The following ASXL2 variants were observed in gnomAD, a reference collection of about 807,000 sequenced individuals.
The protein encoded by ASXL2 is putative Polycomb group protein ASXL2.
In ASXL2, 23 loss-of-function variants were observed where a neutral mutation model predicts 122.0. That is an observed-to-expected ratio of 0.19 (90% CI 0.14 to 0.27). The LOEUF is 0.27. Among genes scored for constraint, ASXL2 ranks in the 10% least tolerant of loss-of-function variants. The pLI is 1.00. For synonymous variants in ASXL2, 650 were observed against 637.0 expected, an observed-to-expected ratio of 1.02 and a Z score of -0.31; for missense variants, 1,518 against 1,713.8, an observed-to-expected ratio of 0.89 and a Z score of 2.02.
chr2:25,780,747 AAGCATC>A (rs1443310814), intron 5 of ASXL2, among the ~76,000 whole-genome samples: 2 of 152,174 alleles, frequency 1.3e-5, no homozygotes, highest in African/African-American at 4.8e-5. Flanking sequence ...ACACTTCAAG[AAGCATC>A]AGAGAAAAAA....
chr2:25,791,057 A>G (rs2088825318), intron 5 of ASXL2, among the ~76,000 whole-genome samples: 1 of 151,818 alleles, frequency 6.6e-6, no homozygotes, highest in African/African-American at 2.4e-5. Flanking sequence ...TCGGCCTCCC[A>G]AAGTAATGGG....
In ASXL2 at chr2:25,803,672, T is replaced by G. The variant is rs182989509; in HGVS notation, c.252+2557A>C. ...CCACCTCAGATCATCAGGCATTAGATTCTCATACAGAGTGCATGACCTAGA... is the reference window on the plus strand; with the variant it reads ...CCACCTCAGATCATCAGGCATTAGAGTCTCATACAGAGTGCATGACCTAGA... On this transcript the variant is annotated intron_variant, in intron 4 of 12. Coordinates refer to ENST00000435504, the MANE Select transcript of ASXL2 (RefSeq NM_018263.6). 1.1e-4 allele frequency among the ~76,000 whole-genome samples: 17 copies of G among 152,314 alleles called. No homozygotes were observed. The East Asian group carries it at 2.9e-3, about 26-fold the overall frequency.
chr2:25,864,968 C>T (rs972392005), intron 1 of ASXL2, among the ~76,000 whole-genome samples: 1 of 151,700 alleles, frequency 6.6e-6, no homozygotes, highest in Non-Finnish European at 1.5e-5. Flanking sequence ...AATACAGGCG[C>T]CTGCCACCGC....
chr2:25,811,670 A>T (rs2089173001), intron 3 of ASXL2, among the ~76,000 whole-genome samples: 1 of 152,190 alleles, frequency 6.6e-6, no homozygotes, highest in Non-Finnish European at 1.5e-5. Flanking sequence ...AAAGAAAGAA[A>T]ATGACCCAAG....
chr2:25,755,441 C>G (rs1384034348), intron 10 of ASXL2, among the ~76,000 whole-genome samples: 1 of 152,230 alleles, frequency 6.6e-6, no homozygotes, highest in African/African-American at 2.4e-5. Flanking sequence ...CCAGTGATCA[C>G]AGTCAGTAAT....
chr2:25,771,179 T>C lies in ASXL2; in HGVS notation c.504+261A>G, dbSNP rs1246011584. Among the ~76,000 whole-genome samples the C allele has an allele frequency of 2.0e-5, 3 of 152,276 alleles. No homozygotes were observed. The East Asian group carries it at 5.8e-4, about 29-fold the overall frequency. Reference sequence around the variant, plus strand: ...TGAACCTGGGAAGCAGACGTTGCAGTGAGCTGAGATTGCACCCACTGTACT... The same window carrying C: ...TGAACCTGGGAAGCAGACGTTGCAGCGAGCTGAGATTGCACCCACTGTACT... On this transcript the variant is annotated intron_variant, in intron 6 of 12. Transcript: ENST00000435504.
At chr2:25,864,670 A>T (rs983420911) in intron 1 of ASXL2, among the ~76,000 whole-genome samples, 13 of 148,970 alleles carry the variant, frequency 8.7e-5, no homozygotes, top group East Asian at 5.9e-4. Context: ...AGTACTATTT[A>T]AAAAAAAAAA....
chr2:25,760,325 C>CA (rs2088219889), intron 8 of ASXL2, among the ~76,000 whole-genome samples: 1 of 151,142 alleles, frequency 6.6e-6, no homozygotes, highest in South Asian at 2.1e-4. Context: ...GAAAAATGAG[C>CA]AAAGGAAATT....
intron 2 of ASXL2, among the ~76,000 whole-genome samples, chr2:25,840,320 G>A (rs62127720): frequency 0.15 from 22,761 of 152,006 alleles, 2,165 homozygotes; most frequent in Non-Finnish European, 0.22. Flanking sequence ...TGAATCTTTC[G>A]CAGCTAGGAG....
At chr2:25,795,199 C>T (rs113323735) in intron 5 of ASXL2, among the ~76,000 whole-genome samples, 98 of 152,262 alleles carry the variant, frequency 6.4e-4, no homozygotes, top group African/African-American at 2.2e-3. Context: ...AGACTACCTG[C>T]AACCAGAAAA....
intron 9 of ASXL2, 83 bp from the exon 10 acceptor site, chr2:25,756,197 A>C: frequency 1.5e-6 from 1 of 687,426 alleles, no homozygotes; most frequent in Non-Finnish European, 2.3e-6. Flanking sequence ...TCATTTTATA[A>C]AAGAATGTAT....
At chr2:25,804,405 A>T (rs1230752334) in intron 4 of ASXL2, among the ~76,000 whole-genome samples, 1 of 152,244 alleles carries the variant, frequency 6.6e-6, no homozygotes, top group Non-Finnish European at 1.5e-5. Flanking sequence ...TAATTCAGGT[A>T]TACTCATGTG....
chr2:25,871,920 A>G lies in ASXL2; in HGVS notation c.57+6246T>C, dbSNP rs2089964777. ...TACACAGTTGTTTTGAAAATTATGC[A>G]TCAGAGCAGTTCCTCAATTTTTTTA... On this transcript the variant is annotated intron_variant, in intron 1 of 12. Coordinates refer to ENST00000435504, the MANE Select transcript of ASXL2 (RefSeq NM_018263.6). Among the ~76,000 whole-genome samples the G allele has an allele frequency of 2.0e-5, 3 of 152,280 alleles. No individual in the cohort carries two copies. The South Asian group carries it at 6.2e-4, about 31-fold the overall frequency.
intron 12 of ASXL2, among the ~76,000 whole-genome samples, chr2:25,748,423 T>C (rs1188872067): frequency 2.0e-5 from 3 of 151,618 alleles, no homozygotes; most frequent in Admixed American, 1.3e-4. Flanking sequence ...GGAGAATCGC[T>C]TGAACCTGGG....
chr2:25,849,279 AAC>A (rs2089689571), intron 1 of ASXL2, among the ~76,000 whole-genome samples: 1 of 149,934 alleles, frequency 6.7e-6, no homozygotes, highest in Admixed American at 6.7e-5. Flanking sequence ...CTCTGGTAAA[AAC>A]ACACACAAAA....
At position 25,858,159 on chromosome 2, in the gene ASXL2, C is replaced by T. The variant is rs114695646; in HGVS notation, c.58-12596G>A. Among the ~76,000 whole-genome samples the T allele has an allele frequency of 2.4e-3, 364 of 152,232 alleles. 2 individuals carry two copies. The highest frequency in any genetic ancestry group is 8.3e-3 in the African/African-American group (345 of 41,540). ...GTTTGCAAATTGATCCTACCCTAAG[C>T]GAACCTAAGACAATTACCAAAGAAC... On this transcript the variant is annotated intron_variant, in intron 1 of 12. Transcript: ENST00000435504.
intron 3 of ASXL2, among the ~76,000 whole-genome samples, chr2:25,829,392 G>A (rs2089422275): frequency 6.6e-6 from 1 of 152,130 alleles, no homozygotes; most frequent in Non-Finnish European, 1.5e-5. Flanking sequence ...CTATGGGCAT[G>A]GTTCTGAAAG....
chr2:25,843,829 AAAAGAAAG>A (rs960270294), intron 2 of ASXL2, among the ~76,000 whole-genome samples: 24 of 151,162 alleles, frequency 1.6e-4, no homozygotes, highest in Non-Finnish European at 2.7e-4. Context: ...AAAAAAAAAA[AAAAGAAAG>A]AAAGAAAGAA....
chr2:25,878,136 C>G (rs1559535681), intron 1 of ASXL2, 30 bp downstream of exon 1: 2 of 1,613,098 alleles, frequency 1.2e-6, no homozygotes, highest in Non-Finnish European at 1.7e-6. Flanking sequence ...AAAATCCTCC[C>G]GGCCTTCCCC....
Sources: gnomAD v4.1 joint callset for allele counts (sites outside exome capture counted in the v4.1 genomes callset) on GRCh38, gnomAD v4.1.1 for gene constraint, MANE v1.5 for transcripts, NCBI Gene and HGNC (gene_info 2026-07-23, HGNC 2026-07-21) for gene names.